The following WDFY4 variants were observed in gnomAD, a reference collection of about 807,000 sequenced individuals.
The protein encoded by WDFY4 is WD repeat- and FYVE domain-containing protein 4.
In WDFY4, 169 loss-of-function variants were observed where a neutral mutation model predicts 351.9. That is an observed-to-expected ratio of 0.48 (90% CI 0.42 to 0.55). The LOEUF (loss-of-function observed/expected upper bound fraction) is 0.55, where lower values mean the gene tolerates loss of function less well. WDFY4 is among the 20% of genes least tolerant of loss of function. The pLI, the probability that WDFY4 is intolerant of heterozygous loss-of-function variation, is 0.00. For synonymous variants in WDFY4, 1,622 were observed against 1,574.6 expected (o/e 1.03, Z -0.71); for missense variants, 3,803 against 3,935.6 (o/e 0.97, Z 0.90).
intron 47 of WDFY4, among the ~76,000 whole-genome samples, chr10:48,917,764 A>G (rs984474111): frequency 1.3e-5 from 2 of 152,242 alleles, no homozygotes; most frequent in East Asian, 1.9e-4. Context: ...GGGAAACTAT[A>G]CTAGAGAGGA....
intron 39 of WDFY4, among the ~76,000 whole-genome samples, chr10:48,866,247 C>T (rs955395955): frequency 7.9e-5 from 12 of 151,708 alleles, no homozygotes; most frequent in Non-Finnish European, 1.2e-4. Flanking sequence ...CCTTTATGCT[C>T]TTCTTTAGTT....
At chr10:48,896,335 G>A (rs1027617563) in intron 44 of WDFY4, among the ~76,000 whole-genome samples, 9 of 152,224 alleles carry the variant, frequency 5.9e-5, no homozygotes, top group African/African-American at 1.9e-4. Context: ...CCTAAGCCAA[G>A]GGTAGGAAGG....
intron 40 of WDFY4, among the ~76,000 whole-genome samples, chr10:48,868,534 C>T (rs1452779119): frequency 6.6e-6 from 1 of 152,214 alleles, no homozygotes; most frequent in African/African-American, 2.4e-5. Context: ...TGTGTGTCAT[C>T]TGTGCCTATT....
Position 48,901,831 on chromosome 10 carries a change from G to A in WDFY4, c.7554G>A (p.Gly2518=), listed in dbSNP as rs1162765113. 2.6e-6 allele frequency: 4 copies of A among 1,551,566 alleles called. No individual in the cohort carries two copies. The highest frequency in any genetic ancestry group is 2.4e-5 in the South Asian group (2 of 84,062). Residue 2518 remains glycine (G), a synonymous_variant, in exon 47 of 62, where the codon GGG becomes GGA. Coordinates refer to ENST00000325239, the MANE Select transcript of WDFY4 (RefSeq NM_001394531.1). ...SFCSFQPSLK[G]KATSEDTLSL... ...GCTCTTTCCAACCCAGCCTGAAGGG[G>A]AAAGCCACCTCGGAGGACACCCTCA...
At position 48,787,944 on chromosome 10, in the gene WDFY4, T is replaced by TCTTCTTCTTCTTCTC. The variant is rs1565199114; in HGVS notation, c.3809-572_3809-571insCCTTCTTCTTCTTCT. Among the ~76,000 whole-genome samples the TCTTCTTCTTCTTCTC allele has an allele frequency of 1.1e-4, 11 of 97,050 alleles. 2 individuals are homozygous for TCTTCTTCTTCTTCTC. The East Asian group carries it at 2.0e-3, about 18-fold the overall frequency. 63.7% of individuals were successfully genotyped at this position (97,050 alleles called of 152,430 possible). A position where few individuals can be genotyped will look rare whatever the true frequency, so the allele number is the denominator to read the frequency against. ...TTCTTCTTCTTCTTCTTCTTCTTCT[T>TCTTCTTCTTCTTCTC]CTTCTTCTTCTTCTTCTTCTTCTTC... On this transcript the variant is annotated intron_variant, in intron 20 of 61. Transcript: ENST00000325239.
Position 48,959,753 on chromosome 10 carries a change from C to T in WDFY4, c.8163C>T (p.Asp2721=), listed in dbSNP as rs890842326. The change falls in exon 53 of 62, where the codon GAC becomes GAT. Residue 2721 remains aspartate (D), a synonymous_variant. Transcript: ENST00000325239. ...GCMQDGTVLG[D]VQLPPWADGD... ...TGCAGGACGGGACTGTGCTAGGAGA[C>T]GTGCAGCTCCCTCCCTGGGCTGATG... The T allele has an allele frequency of 9.0e-6, 14 of 1,551,594 alleles. No individual in the cohort carries two copies. The highest frequency in any genetic ancestry group is 5.5e-5 in the African/African-American group (4 of 73,164).
At chr10:48,753,315 G>T (rs1418141315) in intron 12 of WDFY4, among the ~76,000 whole-genome samples, 1 of 151,952 alleles carries the variant, frequency 6.6e-6, no homozygotes, top group Non-Finnish European at 1.5e-5. Context: ...CATTCTGTAG[G>T]TTCTCCTTTC....
At chr10:48,940,632 G>A (rs917822831) in intron 47 of WDFY4, among the ~76,000 whole-genome samples, 1 of 152,210 alleles carries the variant, frequency 6.6e-6, no homozygotes, top group African/African-American at 2.4e-5. Flanking sequence ...CTGTGGCAGA[G>A]GGGATGGATG....
In WDFY4 at chr10:48,946,025, A is replaced by G. The variant is rs529571537; in HGVS notation, c.7750-15A>G. On this transcript the variant is annotated splice_polypyrimidine_tract_variant and intron_variant, in intron 49 of 61. Coordinates refer to ENST00000325239, the MANE Select transcript of WDFY4 (RefSeq NM_001394531.1). ...GGTCTGGGGAGTTAACTCCAGCTGC[A>G]CATCTGCCTTCTAGACATTGAACTT... is the stretch of plus-strand genomic sequence containing the variant. 3 of 1,518,532 alleles carry G rather than the reference A, an allele frequency of 2.0e-6. No homozygotes were observed. The highest frequency in any genetic ancestry group is 2.7e-6 in the Non-Finnish European group (3 of 1,131,890). 94.1% of individuals were successfully genotyped at this position (1,518,532 alleles called of 1,614,324 possible).
intron 50 of WDFY4, among the ~76,000 whole-genome samples, chr10:48,946,554 G>A (rs1006606677): frequency 1.3e-5 from 2 of 152,228 alleles, no homozygotes; most frequent in South Asian, 2.1e-4. Flanking sequence ...TCAAAGAGAA[G>A]GAAAGTGAAA....
At chr10:48,760,915 G>A (rs1405618997) in intron 13 of WDFY4, among the ~76,000 whole-genome samples, 2 of 152,194 alleles carry the variant, frequency 1.3e-5, no homozygotes, top group Non-Finnish European at 2.9e-5. Context: ...ATGGGGATGA[G>A]GAGGTAGTGA....
intron 44 of WDFY4, 41 bp downstream of exon 44, chr10:48,890,768 C>T (rs1564454011): frequency 1.9e-6 from 3 of 1,549,440 alleles, no homozygotes; most frequent in South Asian, 1.2e-5. Flanking sequence ...TCCCTGAGCC[C>T]CATTCATCCT....
At position 48,976,914 on chromosome 10, in the gene WDFY4, A is replaced by G. The variant is rs1182244060; in HGVS notation, c.9226A>G (p.Met3076Val). The change falls in exon 59 of 62, where the codon ATG (methionine) becomes GTG (valine). Residue 3076 changes from methionine (M) to valine (V), a missense_variant. Met to Val is a conservative substitution (Grantham distance 21). Coordinates refer to ENST00000325239, the MANE Select transcript of WDFY4 (RefSeq NM_001394531.1). Reference sequence around the variant, plus strand: ...AGGAGCCATAACCTGCTGCTGCCTGATGGAGGGCCCAGCATGGGACACAAG... The same window carrying G: ...AGGAGCCATAACCTGCTGCTGCCTGGTGGAGGGCCCAGCATGGGACACAAG... ...PEGAITCCCL[M>V]EGPAWDTSQI... 4 of 1,538,068 alleles carry G rather than the reference A, an allele frequency of 2.6e-6. No individual in the cohort carries two copies. Among genetic ancestry groups the G allele is most frequent in the Middle Eastern group, 1.7e-4 (1 of 5,946 alleles).
chr10:48,830,929 C>A, intron 38 of WDFY4, 44 bp downstream of exon 38: 1 of 1,526,734 alleles, frequency 6.5e-7, no homozygotes, highest in South Asian at 1.2e-5. Context: ...TCCTGGGTCT[C>A]ACAGAGCCAG....
chr10:48,945,362 C>A (rs774617194), intron 49 of WDFY4, among the ~76,000 whole-genome samples: 1 of 152,160 alleles, frequency 6.6e-6, no homozygotes, highest in South Asian at 2.1e-4. Context: ...GGCAACAGAG[C>A]GAGATTCTGT....
chr10:48,723,436 A>G lies in WDFY4; in HGVS notation c.460A>G (p.Thr154Ala), dbSNP rs1165110502. The G allele has an allele frequency of 6.5e-7, 1 of 1,549,548 alleles. No individual in the cohort carries two copies. The highest frequency in any genetic ancestry group is 1.4e-5 in the African/African-American group (1 of 72,990). Residue 154 changes from threonine to alanine, a missense_variant, in exon 5 of 62, where the codon ACG becomes GCG. Coordinates refer to ENST00000325239, the MANE Select transcript of WDFY4 (RefSeq NM_001394531.1). ...CACGTGTGCTCTTCTCTTGCAGGAG[A>G]CGCTGGGCAGGGTTGCTGAGTCTGG... ...VYVLTGTDSE[T>A]LGRVAESGLP... is the part of the protein sequence containing the mutation.
At chr10:48,866,464 T>C (rs959884717) in intron 39 of WDFY4, among the ~76,000 whole-genome samples, 1 of 152,246 alleles carries the variant, frequency 6.6e-6, no homozygotes, top group Non-Finnish European at 1.5e-5. Flanking sequence ...ATGTCTATCC[T>C]TTTAAATTTA....
intron 37 of WDFY4, 148 bp downstream of exon 37, chr10:48,829,044 C>A: frequency 1.7e-6 from 1 of 572,154 alleles, no homozygotes; most frequent in Non-Finnish European, 3.0e-6. Context: ...TTTCAAAAAG[C>A]CAGAAGACTT....
intron 53 of WDFY4, among the ~76,000 whole-genome samples, chr10:48,961,980 C>G (rs937996508): frequency 6.6e-6 from 1 of 152,086 alleles, no homozygotes; most frequent in Non-Finnish European, 1.5e-5. Flanking sequence ...AACTGGTGGT[C>G]TTAGGGAAAG....
Sources: gnomAD v4.1 joint callset for allele counts (sites outside exome capture counted in the v4.1 genomes callset) on GRCh38, gnomAD v4.1.1 for gene constraint, MANE v1.5 for transcripts, NCBI Gene and HGNC (gene_info 2026-07-23, HGNC 2026-07-21) for gene names.